THSD7A: variants seen among roughly 807,000 people sequenced by gnomAD.
The protein encoded by THSD7A is thrombospondin type 1 domain containing 7A, also known as thrombospondin type-1 domain-containing protein 7A.
THSD7A carries 96 observed loss-of-function variants against 231.3 expected under a neutral mutation model. That is an observed-to-expected ratio of 0.41 (90% CI 0.35 to 0.49). The LOEUF (loss-of-function observed/expected upper bound fraction) is 0.49. THSD7A is among the 20% of genes least tolerant of loss of function. The pLI is 0.05. For missense variants in THSD7A, 2,290 were observed against 2,070.2 expected (o/e 1.11, Z -2.06); for synonymous variants, 940 against 743.3 (o/e 1.26, Z -4.30).
At position 11,460,698 on chromosome 7, in the gene THSD7A, C is replaced by T; in HGVS notation, c.2569G>A (p.Ala857Thr). ...CGCCCAGGCCCACAGCCTTCCTGTG[C>T]TCCAGGGCTGTCTTGTTGCACGCTC... ...PWSVQQDSPGAQEGCGPGRQA... is the reference protein window; with the variant it reads ...PWSVQQDSPGTQEGCGPGRQA... The change falls in exon 11 of 28, where the codon GCA becomes ACA. Residue 857 changes from alanine (A) to threonine (T), a missense_variant. By Grantham distance (58) the Ala-to-Thr change is moderately conservative. Coordinates refer to ENST00000423059, the MANE Select transcript of THSD7A (RefSeq NM_015204.3). 3 of 1,612,168 alleles carry T rather than the reference C, an allele frequency of 1.9e-6. No homozygotes were observed. The highest frequency in any genetic ancestry group is 1.7e-6 in the Non-Finnish European group (2 of 1,179,172).
At chr7:11,656,387 A>G (rs1782706163) in intron 1 of THSD7A, among the ~76,000 whole-genome samples, 1 of 151,862 alleles carries the variant, frequency 6.6e-6, no homozygotes, top group Non-Finnish European at 1.5e-5. Context: ...CCAAATGCTC[A>G]TTGTCTGCTA....
chr7:11,829,293 G>T (rs1785121439), intron 1 of THSD7A, among the ~76,000 whole-genome samples: 1 of 152,004 alleles, frequency 6.6e-6, no homozygotes, highest in South Asian at 2.1e-4. Context: ...GTATTTATGT[G>T]TGTATTTATA....
intron 6 of THSD7A, among the ~76,000 whole-genome samples, chr7:11,539,157 C>T (rs748459648): frequency 1.3e-5 from 2 of 152,154 alleles, no homozygotes; most frequent in Non-Finnish European, 2.9e-5. Context: ...TTTGGTGCAG[C>T]TGCTAAACAC....
chr7:11,423,868 T>G (rs985503668), intron 16 of THSD7A, among the ~76,000 whole-genome samples: 2 of 152,214 alleles, frequency 1.3e-5, no homozygotes, highest in Admixed American at 1.3e-4. Context: ...GATCATGTGA[T>G]AGATACTGTA....
chr7:11,554,913 G>A (rs1463364505), intron 4 of THSD7A, among the ~76,000 whole-genome samples: 1 of 151,780 alleles, frequency 6.6e-6, no homozygotes, highest in Non-Finnish European at 1.5e-5. Flanking sequence ...GGTATTCCAT[G>A]GCTATCCTTT....
intron 6 of THSD7A, among the ~76,000 whole-genome samples, chr7:11,505,272 T>C (rs895248325): frequency 2.6e-5 from 4 of 152,176 alleles, no homozygotes; most frequent in African/African-American, 9.6e-5. Flanking sequence ...ATCGTCCAAA[T>C]TCTTCTCTCA....
At chr7:11,628,880 G>A (rs1781559670) in intron 2 of THSD7A, among the ~76,000 whole-genome samples, 1 of 152,146 alleles carries the variant, frequency 6.6e-6, no homozygotes, top group Non-Finnish European at 1.5e-5. Context: ...ACTCACAGGG[G>A]TTAATTCAGA....
At chr7:11,654,939 T>C (rs761551957) in intron 1 of THSD7A, among the ~76,000 whole-genome samples, 3 of 151,928 alleles carry the variant, frequency 2.0e-5, no homozygotes, top group Non-Finnish European at 2.9e-5. Context: ...GACAGTTGCA[T>C]ATTGAAGGAA....
At chr7:11,532,738 G>A (rs906962735) in intron 6 of THSD7A, among the ~76,000 whole-genome samples, 5 of 152,056 alleles carry the variant, frequency 3.3e-5, no homozygotes, top group Non-Finnish European at 5.9e-5. Context: ...TCCATTTAAT[G>A]TTTTCTTTTT....
intron 7 of THSD7A, among the ~76,000 whole-genome samples, chr7:11,476,850 C>T (rs1394892947): frequency 1.3e-5 from 2 of 150,010 alleles, no homozygotes; most frequent in African/African-American, 4.9e-5. Context: ...GTGTAGAAAG[C>T]GATTATATAC....
At chr7:11,410,273 A>C (rs1337194360) in intron 19 of THSD7A, among the ~76,000 whole-genome samples, 1 of 145,528 alleles carries the variant, frequency 6.9e-6, no homozygotes, top group Non-Finnish European at 1.5e-5. Flanking sequence ...AGTTAGGTCC[A>C]CATGATAAAC....
intron 4 of THSD7A, among the ~76,000 whole-genome samples, chr7:11,589,679 G>A (rs1450545553): frequency 6.6e-6 from 1 of 152,136 alleles, no homozygotes; most frequent in East Asian, 1.9e-4. Flanking sequence ...AAGAAGTCCT[G>A]CTATTCCTCA....
intron 2 of THSD7A, among the ~76,000 whole-genome samples, chr7:11,597,896 T>G (rs1780421002): frequency 6.6e-6 from 1 of 152,208 alleles, no homozygotes; most frequent in African/African-American, 2.4e-5. Context: ...CCTGCCACCC[T>G]GCCTTCTCTT....
At chr7:11,540,136 G>C (rs1789082794) in intron 6 of THSD7A, among the ~76,000 whole-genome samples, 1 of 152,128 alleles carries the variant, frequency 6.6e-6, no homozygotes, top group African/African-American at 2.4e-5. Flanking sequence ...GAGCTAAACA[G>C]AGGACATATC....
At chr7:11,429,802 C>G (rs1208464850) in intron 13 of THSD7A, among the ~76,000 whole-genome samples, 1 of 152,214 alleles carries the variant, frequency 6.6e-6, no homozygotes, top group Non-Finnish European at 1.5e-5. Flanking sequence ...CGATGACTGA[C>G]TGAGTCCAAG....
intron 1 of THSD7A, among the ~76,000 whole-genome samples, chr7:11,671,016 G>A (rs1317745164): frequency 6.6e-6 from 1 of 152,136 alleles, no homozygotes; most frequent in Non-Finnish European, 1.5e-5. Flanking sequence ...ATATTTCCAA[G>A]TTTGATGAGA....
chr7:11,677,306 C>G (rs938139625), intron 1 of THSD7A, among the ~76,000 whole-genome samples: 2 of 151,974 alleles, frequency 1.3e-5, no homozygotes, highest in Admixed American at 1.3e-4. Context: ...CCAGCCACTG[C>G]AAAAACATAC....
chr7:11,435,122 T>G (rs938733521), intron 13 of THSD7A, among the ~76,000 whole-genome samples: 6 of 152,082 alleles, frequency 3.9e-5, no homozygotes, highest in African/African-American at 1.4e-4. Flanking sequence ...TGTGAGGTTT[T>G]GTTATTGTTA....
chr7:11,692,292 T>C (rs1485440677), intron 1 of THSD7A, among the ~76,000 whole-genome samples: 1 of 151,592 alleles, frequency 6.6e-6, no homozygotes, highest in African/African-American at 2.4e-5. Flanking sequence ...ATTTACAGTG[T>C]TCTGATTCAT....
Sources: gnomAD v4.1 joint callset for allele counts (sites outside exome capture counted in the v4.1 genomes callset) on GRCh38, gnomAD v4.1.1 for gene constraint, MANE v1.5 for transcripts, NCBI Gene and HGNC (gene_info 2026-07-23, HGNC 2026-07-21) for gene names.